The following SH2B3 variants were observed in gnomAD, a reference collection of about 807,000 sequenced individuals.
The protein encoded by SH2B3 is SH2B adapter protein 3.
A neutral mutation model predicts 51.9 loss-of-function variants in SH2B3; 43 were observed. The observed-to-expected ratio is 0.83, with a 90% CI of 0.65 to 1.07. The LOEUF (loss-of-function observed/expected upper bound fraction) is 1.07. SH2B3 is among the 50% of genes least tolerant of loss of function. SH2B3 has a pLI of 0.00. For missense variants in SH2B3, 952 were observed against 834.3 expected, an observed-to-expected ratio of 1.14 and a Z score of -1.74; for synonymous variants, 396 against 376.0, an observed-to-expected ratio of 1.05 and a Z score of -0.62.
chr12:111,423,096 T>C (rs561088187), intron 2 of SH2B3, among the ~76,000 whole-genome samples: 8 of 152,216 alleles, frequency 5.3e-5, no homozygotes, highest in African/African-American at 1.9e-4. Flanking sequence ...TTTAGCATGT[T>C]TTGAAGAAAG....
At position 111,448,023 on chromosome 12, in the gene SH2B3, C is replaced by T; in HGVS notation, c.1449C>T (p.His483=). 6.2e-7 allele frequency: 1 copy of T among 1,610,844 alleles called. No individual in the cohort carries two copies. Among genetic ancestry groups the T allele is most frequent in the Non-Finnish European group, 8.5e-7 (1 of 1,177,638 alleles). ...NTVLFPFSLP[H]WDSESLPHWG... is the part of the protein sequence containing the mutation. ...TCCTCTTCCCTTTCTCCCTTCCTCACTGGGATTCAGAGTCCCTTCCTCACT... is the reference window on the plus strand; with the variant it reads ...TCCTCTTCCCTTTCTCCCTTCCTCATTGGGATTCAGAGTCCCTTCCTCACT... Residue 483 remains histidine, a synonymous_variant, in exon 8 of 8, where the codon CAC becomes CAT. Coordinates refer to ENST00000341259, the MANE Select transcript of SH2B3 (RefSeq NM_005475.3).
chr12:111,421,655 G>C (rs1223707197), intron 2 of SH2B3, among the ~76,000 whole-genome samples: 1 of 152,038 alleles, frequency 6.6e-6, no homozygotes, highest in East Asian at 1.9e-4. Flanking sequence ...GGGCTCAAAT[G>C]GTCCCCCCAC....
intron 1 of SH2B3, among the ~76,000 whole-genome samples, chr12:111,415,841 C>T (rs1871044266): frequency 6.6e-6 from 1 of 151,998 alleles, no homozygotes; most frequent in Non-Finnish European, 1.5e-5. Context: ...AGGCTGGTTT[C>T]GAATTCCTGA....
At chr12:111,434,426 AC>A (rs1187299692) in intron 2 of SH2B3, among the ~76,000 whole-genome samples, 2 of 152,008 alleles carry the variant, frequency 1.3e-5, no homozygotes, top group Non-Finnish European at 2.9e-5. Flanking sequence ...CAGGCTATTT[AC>A]TCAGCATGTT....
chr12:111,435,100 T>C lies in SH2B3; in HGVS notation c.733-11653T>C. On this transcript the variant is annotated intron_variant, in intron 2 of 7. Coordinates refer to ENST00000341259, the MANE Select transcript of SH2B3 (RefSeq NM_005475.3). The surrounding 1 kb of genome is among the most constrained non-coding windows in gnomAD (Gnocchi z 4.8). ...ATGAGTCCCCTCTCCTCTGGTGCAC[T>C]CTCCCCACCCGAGACGGGCGACAGA... 3 of 1,189,892 alleles carry C rather than the reference T, an allele frequency of 2.5e-6. No individual in the cohort carries two copies. Among genetic ancestry groups the C allele is most frequent in the Non-Finnish European group, 3.5e-6 (3 of 851,444 alleles). The allele number at this position is 1,189,892 out of a possible 1,614,324, so 73.7% of individuals were successfully genotyped here. A position where few individuals can be genotyped will look rare whatever the true frequency, so the allele number is the denominator to read the frequency against.
At chr12:111,419,085 A>C (rs1389367855) in intron 2 of SH2B3, among the ~76,000 whole-genome samples, 3 of 144,992 alleles carry the variant, frequency 2.1e-5, no homozygotes, top group Non-Finnish European at 4.6e-5. Flanking sequence ...CCGAGGCAGG[A>C]GGATCGCTTG....
chr12:111,432,372 T>C (rs552317738), intron 2 of SH2B3, among the ~76,000 whole-genome samples: 9 of 152,264 alleles, frequency 5.9e-5, no homozygotes, highest in African/African-American at 1.9e-4. Flanking sequence ...CTGGTATAGA[T>C]GACCCTGGGA....
Position 111,446,965 on chromosome 12 carries a change from CTT to C in SH2B3, c.860_861del (p.Phe287Ter). Reference sequence around the variant, plus strand: ...AGGTGAAGGACCGGACAGACATCATCTTTGAGGTGGGAGACGAGCAGCAGCTG... The same window carrying C: ...AGGTGAAGGACCGGACAGACATCATCTGAGGTGGGAGACGAGCAGCAGCTG... ...LKVKDRTDII[F>X]EVGDEQQLNS... On this transcript the variant is annotated frameshift_variant, in exon 4 of 8. Coordinates refer to ENST00000341259, the MANE Select transcript of SH2B3 (RefSeq NM_005475.3). LOFTEE classifies it high-confidence loss of function. The C allele has an allele frequency of 6.2e-7, 1 of 1,614,104 alleles. No individual in the cohort carries two copies. Among genetic ancestry groups the C allele is most frequent in the Non-Finnish European group, 8.5e-7 (1 of 1,179,950 alleles).
chr12:111,434,173 A>G (rs1872681331), intron 2 of SH2B3, among the ~76,000 whole-genome samples: 1 of 152,218 alleles, frequency 6.6e-6, no homozygotes, highest in Non-Finnish European at 1.5e-5. Context: ...GATATGATTC[A>G]TATACCATAA....
intron 1 of SH2B3, among the ~76,000 whole-genome samples, chr12:111,414,605 C>A (rs1870941334): frequency 6.7e-6 from 1 of 150,048 alleles, no homozygotes; most frequent in African/African-American, 2.5e-5. Context: ...AAAAAAAAAA[C>A]ATTGTCGACT....
chr12:111,410,156 AG>A lies in SH2B3; in HGVS notation c.-28+3881del, dbSNP rs1362087625. Among the ~76,000 whole-genome samples, 1 of 152,156 alleles carries A rather than the reference AG, an allele frequency of 6.6e-6. No individual in the cohort carries two copies. Among genetic ancestry groups the A allele is most frequent in the East Asian group, 1.9e-4 (1 of 5,176 alleles). On this transcript the variant is annotated intron_variant, in intron 1 of 7. Coordinates refer to ENST00000341259, the MANE Select transcript of SH2B3 (RefSeq NM_005475.3). The surrounding 1 kb of genome is among the most constrained non-coding windows in gnomAD (Gnocchi z 4.9). ...GCCCTCCTCACAGGGGCTGACTCACAGGCGCCCAATGGGGGGCCCCAGCTGG... is the reference window on the plus strand; with the variant it reads ...GCCCTCCTCACAGGGGCTGACTCACAGCGCCCAATGGGGGGCCCCAGCTGG...
intron 1 of SH2B3, among the ~76,000 whole-genome samples, chr12:111,416,035 G>A (rs1275196244): frequency 2.0e-5 from 3 of 151,844 alleles, no homozygotes; most frequent in African/African-American, 4.8e-5. Flanking sequence ...TCCGCCTCCC[G>A]GGTTCATGCC....
At position 111,447,395 on chromosome 12, in the gene SH2B3, C is replaced by T. The variant is rs1029296641; in HGVS notation, c.1087C>T (p.Pro363Ser). ...QKTDHFLSCY[P>S]WFHGPISRVK... ...GACGGACCATTTCCTGTCCTGCTACCCCTGGTTCCACGGCCCCATCTCCAG... is the reference window on the plus strand; with the variant it reads ...GACGGACCATTTCCTGTCCTGCTACTCCTGGTTCCACGGCCCCATCTCCAG... Residue 363 changes from proline to serine, a missense_variant, in exon 6 of 8, where the codon CCC becomes TCC. Transcript: ENST00000341259. 1 of 1,614,022 alleles carries T rather than the reference C, an allele frequency of 6.2e-7. No individual in the cohort carries two copies. The highest frequency in any genetic ancestry group is 8.5e-7 in the Non-Finnish European group (1 of 1,180,002).
intron 1 of SH2B3, among the ~76,000 whole-genome samples, chr12:111,411,018 G>A (rs1870655042): frequency 6.6e-6 from 1 of 152,132 alleles, no homozygotes; most frequent in Admixed American, 6.5e-5. Context: ...CTGGGGCAGG[G>A]GAGAGTGGAG....
rs1341481646 is a variant in SH2B3, at chr12:111,438,783, A to T, written c.733-7970A>T. 1.3e-5 allele frequency among the ~76,000 whole-genome samples: 2 copies of T among 152,166 alleles called. No individual in the cohort carries two copies. The highest frequency in any genetic ancestry group is 2.9e-5 in the Non-Finnish European group (2 of 68,026). On this transcript the variant is annotated intron_variant, in intron 2 of 7. Transcript: ENST00000341259. The surrounding 1 kb of genome is among the most constrained non-coding windows in gnomAD (Gnocchi z 4.2). ...GCCTCCCTGAGGAGATGACACTTTG[A>T]AAAGCAGTCGTATTTGTGAAGCTGT... is the stretch of plus-strand genomic sequence containing the variant.
In SH2B3 at chr12:111,447,782, G is replaced by A. The variant is rs752310988; in HGVS notation, c.1363G>A (p.Asp455Asn). ...PIPLECGAAC[D>N]VRLSSYVVVV... is the part of the protein sequence containing the mutation. ...CCCACTCGAGTGCGGCGCCGCCTGT[G>A]ATGTCCGGCTCTCCAGCTACGTGGT... Residue 455 changes from aspartate (D) to asparagine (N), a missense_variant, in exon 7 of 8, where the codon GAT (aspartate) becomes AAT (asparagine). Transcript: ENST00000341259. The A allele has an allele frequency of 1.9e-6, 3 of 1,614,064 alleles. No individual in the cohort carries two copies. The highest frequency in any genetic ancestry group is 2.5e-6 in the Non-Finnish European group (3 of 1,180,044).
In SH2B3 at chr12:111,449,742, C is replaced by G. The variant is rs528559792; in HGVS notation, c.*1440C>G. On this transcript the variant is annotated 3_prime_UTR_variant, in exon 8 of 8. Coordinates refer to ENST00000341259, the MANE Select transcript of SH2B3 (RefSeq NM_005475.3). ...AAACTGGGAGTTTAGATCAGCTTTACAGATACATCGATCAGAGGCTAAAAT... is the reference window on the plus strand; with the variant it reads ...AAACTGGGAGTTTAGATCAGCTTTAGAGATACATCGATCAGAGGCTAAAAT... 1.1e-4 allele frequency: 17 copies of G among 152,278 alleles called. No individual in the cohort carries two copies. The highest frequency in any genetic ancestry group is 4.1e-4 in the African/African-American group (17 of 41,536). 9.4% of individuals were successfully genotyped at this position (152,278 alleles called of 1,614,324 possible). A position where few individuals can be genotyped will look rare whatever the true frequency, so the allele number is the denominator to read the frequency against.
intron 2 of SH2B3, among the ~76,000 whole-genome samples, chr12:111,430,123 G>C (rs1420072629): frequency 6.6e-6 from 1 of 152,210 alleles, no homozygotes; most frequent in Non-Finnish European, 1.5e-5. Context: ...TGTGACCCAG[G>C]TAGGTCCCAG....
chr12:111,420,735 G>A (rs1315431031), intron 2 of SH2B3, among the ~76,000 whole-genome samples: 1 of 152,210 alleles, frequency 6.6e-6, no homozygotes, highest in African/African-American at 2.4e-5. Context: ...GGAGGCTGTT[G>A]AGGAAATAAA....
Sources: allele counts gnomAD v4.1 joint callset (sites outside exome capture counted in the v4.1 genomes callset), GRCh38; gene constraint gnomAD v4.1.1; non-coding constraint Gnocchi (gnomAD v3.1); transcripts MANE v1.5; gene names NCBI Gene and HGNC (gene_info 2026-07-23, HGNC 2026-07-21).